HERC5: variants seen among roughly 807,000 people sequenced by gnomAD.
HERC5 encodes E3 ISG15--protein ligase HERC5.
HERC5 carries 99 observed loss-of-function variants against 119.6 expected under a neutral mutation model. That is an observed-to-expected ratio of 0.83 (90% CI 0.70 to 0.98). The LOEUF is 0.98. Ranked by LOEUF, HERC5 falls within the 50% of genes least tolerant of loss-of-function variation. HERC5 has a pLI of 0.00. For synonymous variants in HERC5, 478 were observed against 445.9 expected, an observed-to-expected ratio of 1.07 and a Z score of -0.91; for missense variants, 1,267 against 1,241.3, an observed-to-expected ratio of 1.02 and a Z score of -0.31.
At position 88,470,650 on chromosome 4, in the gene HERC5, A is replaced by C; in HGVS notation, c.1275A>C (p.Leu425=). ...IQEIFSSPAC[L]TGSFLRKRRT... ...AGATATTTTCATCTCCTGCTTGTCT[A>C]ACTGGAAGTTTTTTAAGGAAAAGGT... Residue 425 remains leucine (L), a synonymous_variant, in exon 10 of 23, where the codon CTA becomes CTC. Coordinates refer to ENST00000264350, the MANE Select transcript of HERC5 (RefSeq NM_016323.4). The C allele has an allele frequency of 5.3e-6, 8 of 1,506,948 alleles. No homozygotes were observed. The highest frequency in any genetic ancestry group is 7.4e-6 in the Non-Finnish European group (8 of 1,088,294). 93.3% of individuals were successfully genotyped at this position (1,506,948 alleles called of 1,614,324 possible). A position where few individuals can be genotyped will look rare whatever the true frequency, so the allele number is the denominator to read the frequency against.
At chr4:88,496,471 G>T (rs1741798277) in intron 18 of HERC5, among the ~76,000 whole-genome samples, 1 of 152,148 alleles carries the variant, frequency 6.6e-6, no homozygotes, top group Non-Finnish European at 1.5e-5. Context: ...TAGAACAGAC[G>T]ATAGAGCTCA....
intron 2 of HERC5, among the ~76,000 whole-genome samples, chr4:88,459,817 C>G (rs1023641374): frequency 5.3e-5 from 8 of 151,928 alleles, no homozygotes; most frequent in African/African-American, 1.5e-4. Flanking sequence ...GAGACTTTTC[C>G]CTAGTAGATT....
intron 3 of HERC5, among the ~76,000 whole-genome samples, chr4:88,460,887 G>T (rs1361136968): frequency 6.6e-6 from 1 of 152,156 alleles, no homozygotes; most frequent in African/African-American, 2.4e-5. Flanking sequence ...CTACTTGGGA[G>T]GGTGAGGCAG....
intron 9 of HERC5, among the ~76,000 whole-genome samples, chr4:88,469,949 C>A (rs1308285415): frequency 1.3e-5 from 2 of 152,108 alleles, no homozygotes; most frequent in African/African-American, 4.8e-5. Flanking sequence ...TAGTGTTTCC[C>A]AGTCCCATTT....
intron 6 of HERC5, 34 bp downstream of exon 6, chr4:88,464,019 A>T: frequency 6.3e-7 from 1 of 1,579,422 alleles, no homozygotes; most frequent in Non-Finnish European, 8.7e-7. Flanking sequence ...AATTGATAAA[A>T]TGAGTGCAGC....
At chr4:88,470,017 T>C (rs1740813589) in intron 9 of HERC5, among the ~76,000 whole-genome samples, 1 of 152,234 alleles carries the variant, frequency 6.6e-6, no homozygotes, top group African/African-American at 2.4e-5. Context: ...TTTGTACCAT[T>C]CTTCTCTAAA....
At position 88,493,166 on chromosome 4, in the gene HERC5, T is replaced by C; in HGVS notation, c.2277+11T>C. The C allele has an allele frequency of 6.3e-7, 1 of 1,589,746 alleles. No individual in the cohort carries two copies. The highest frequency in any genetic ancestry group is 8.6e-7 in the Non-Finnish European group (1 of 1,159,048). On this transcript the variant is annotated intron_variant, in intron 17 of 22. Transcript: ENST00000264350. ...TGGTTTCCTGTCAAGGTAAGTTCCC[T>C]CTTCTTTGCTTAAGGTATTTTGCGA... is the stretch of plus-strand genomic sequence containing the variant.
At position 88,463,532 on chromosome 4, in the gene HERC5, G is replaced by A. The variant is rs1476295529; in HGVS notation, c.689G>A (p.Ser230Asn). The change falls in exon 5 of 23, where the codon AGT (serine) becomes AAT (asparagine). Residue 230 changes from serine to asparagine, a missense_variant and splice_region_variant. Transcript: ENST00000264350. Reference protein sequence around the residue: ...CGQLGLGHTESKDDPSLIEGL... With the variant: ...CGQLGLGHTENKDDPSLIEGL... The stretch of plus-strand genomic sequence containing the variant: ...TTCAGCTATTTTTTTCCTTACATAG[G>A]TAAAGATGATCCATCCCTTATTGAA... 5 of 1,609,920 alleles carry A rather than the reference G, an allele frequency of 3.1e-6. No individual in the cohort carries two copies. The African/African-American group carries it at 4.0e-5, about 13-fold the overall frequency.
Position 88,470,626 on chromosome 4 carries a change from G to C in HERC5, c.1251G>C (p.Glu417Asp), listed in dbSNP as rs751055364. The C allele has an allele frequency of 6.6e-7, 1 of 1,511,442 alleles. No individual in the cohort carries two copies. Among genetic ancestry groups the C allele is most frequent in the Non-Finnish European group, 9.2e-7 (1 of 1,092,272 alleles). 93.6% of individuals were successfully genotyped at this position (1,511,442 alleles called of 1,614,324 possible). A position where few individuals can be genotyped will look rare whatever the true frequency, so the allele number is the denominator to read the frequency against. The change falls in exon 10 of 23, where the codon GAG becomes GAC. Residue 417 changes from glutamate (E) to aspartate (D), a missense_variant. By Grantham distance (45) the Glu-to-Asp change is conservative (BLOSUM62 2). This residue lies in a region of HERC5 where 777 missense variants were observed against 758.0 expected (regional missense o/e 1.03). Transcript: ENST00000264350. The stretch of plus-strand genomic sequence containing the variant: ...ATTACTAATATAGGGAAATCCAAGA[G>C]ATATTTTCATCTCCTGCTTGTCTAA... ...RWQSTKREIQ[E>D]IFSSPACLTG...
At chr4:88,490,641 C>T (rs1253384717) in intron 16 of HERC5, among the ~76,000 whole-genome samples, 3 of 152,100 alleles carry the variant, frequency 2.0e-5, no homozygotes, top group African/African-American at 7.2e-5. Flanking sequence ...GTCAGGAGTT[C>T]GAAACCAACC....
At chr4:88,459,668 TTAAA>T (rs1401696749) in intron 2 of HERC5, among the ~76,000 whole-genome samples, 198 bp downstream of exon 2, 1 of 152,186 alleles carries the variant, frequency 6.6e-6, no homozygotes, top group Non-Finnish European at 1.5e-5. Context: ...AAGGAAATGA[TTAAA>T]TAGTCTGCCT....
At chr4:88,465,234 GAT>G (rs1224332374) in intron 6 of HERC5, among the ~76,000 whole-genome samples, 9 of 152,144 alleles carry the variant, frequency 5.9e-5, no homozygotes, top group Admixed American at 3.3e-4. Flanking sequence ...TTGATTATCA[GAT>G]ATATCAGTCC....
intron 16 of HERC5, among the ~76,000 whole-genome samples, chr4:88,490,112 G>A (rs539353496): frequency 3.9e-5 from 6 of 152,232 alleles, no homozygotes; most frequent in South Asian, 2.1e-4. Flanking sequence ...GACCATGTTC[G>A]GAAGATCTTT....
chr4:88,475,129 T>C (rs1295692367), intron 11 of HERC5, among the ~76,000 whole-genome samples: 1 of 151,144 alleles, frequency 6.6e-6, no homozygotes, highest in Admixed American at 6.6e-5. Context: ...TTTTTTTTTT[T>C]TTTTGCTTTG....
At chr4:88,479,308 A>G (rs376373013) in intron 12 of HERC5, 45 bp from the exon 13 acceptor site, 13 of 1,508,770 alleles carry the variant, frequency 8.6e-6, no homozygotes, top group African/African-American at 4.2e-5. Context: ...AAAAAGCACA[A>G]TAAAACTCAT....
chr4:88,488,681 G>A (rs2149102474), intron 15 of HERC5, among the ~76,000 whole-genome samples: 1 of 151,546 alleles, frequency 6.6e-6, no homozygotes, highest in South Asian at 2.1e-4. Flanking sequence ...CTCTTGTCTT[G>A]GTTTTTTTTT....
intron 9 of HERC5, among the ~76,000 whole-genome samples, chr4:88,469,972 A>T (rs1740811841): frequency 2.0e-5 from 3 of 152,166 alleles, no homozygotes; most frequent in Non-Finnish European, 2.9e-5. Context: ...TCCTGGAACC[A>T]TTAGTTTGTG....
rs533006035 is a variant in HERC5, at chr4:88,476,866, G to A, written c.1582+836G>A. ...ACCTGAGAGGCAGAGGTTGCATTGA[G>A]CCAAGATCACGCCATTGCACTCCAG... is the stretch of plus-strand genomic sequence containing the variant. On this transcript the variant is annotated intron_variant, in intron 12 of 22. Coordinates refer to ENST00000264350, the MANE Select transcript of HERC5 (RefSeq NM_016323.4). 4.6e-5 allele frequency among the ~76,000 whole-genome samples: 7 copies of A among 151,702 alleles called. No homozygotes were observed. The South Asian group carries it at 1.5e-3, about 32-fold the overall frequency.
intron 12 of HERC5, among the ~76,000 whole-genome samples, chr4:88,478,976 C>A (rs1482251469): frequency 6.6e-6 from 1 of 151,652 alleles, no homozygotes. Context: ...TATCCCATTA[C>A]ATTTTGTAGA....
Sources: gnomAD v4.1 joint callset for allele counts (sites outside exome capture counted in the v4.1 genomes callset) on GRCh38, gnomAD v4.1.1 for gene constraint, gnomAD v4.1.1 regional missense constraint, MANE v1.5 for transcripts, NCBI Gene and HGNC (gene_info 2026-07-23, HGNC 2026-07-21) for gene names.